Variants in KLC4 observed in about 807,000 individuals in gnomAD.
KLC4 encodes the protein kinesin light chain 4, also known as kinesin-like protein 8.
In KLC4, 49 loss-of-function variants were observed where a neutral mutation model predicts 77.2. The ratio of observed to expected loss-of-function variants is 0.63; its 90% CI spans 0.50 to 0.80. The LOEUF is 0.80. Among genes scored for constraint, KLC4 ranks in the 30% least tolerant of loss-of-function variants. The pLI, the probability that KLC4 is intolerant of heterozygous loss-of-function variation, is 0.00. For missense variants in KLC4, 669 were observed against 793.5 expected, an observed-to-expected ratio of 0.84 and a Z score of 1.89; for synonymous variants, 274 against 314.5, an observed-to-expected ratio of 0.87 and a Z score of 1.36.
intron 15 of KLC4, 80 bp downstream of exon 15, chr6:43,074,045 G>A (rs1765858666): frequency 1.8e-6 from 2 of 1,099,736 alleles, no homozygotes; most frequent in Admixed American, 2.2e-5. Context: ...AGTAAGGGAA[G>A]AGGGAAGGGA....
chr6:43,074,585 G>A (rs1276393449), intron 15 of KLC4, 37 bp from the exon 16 acceptor site: 5 of 1,601,554 alleles, frequency 3.1e-6, no homozygotes, highest in Non-Finnish European at 4.3e-6. Context: ...GGGAGGCCGA[G>A]GTCCCTGAGC....
At chr6:43,070,538 C>CA in intron 7 of KLC4, 83 bp downstream of exon 7, 2 of 1,354,440 alleles carry the variant, frequency 1.5e-6, no homozygotes, top group Admixed American at 3.8e-5. Flanking sequence ...TCCTCCTTCA[C>CA]TTTTTTTTTC....
At chr6:43,060,382 G>C in intron 1 of KLC4, 1 of 1,554,552 alleles carries the variant, frequency 6.4e-7, no homozygotes, top group South Asian at 1.1e-5. Flanking sequence ...CGGGAATTGG[G>C]CGTCTTTGAA....
In KLC4 at chr6:43,074,969, A is replaced by G. The variant is rs1765919413; in HGVS notation, c.*297A>G. 4.9e-6 allele frequency: 2 copies of G among 406,868 alleles called. No individual in the cohort carries two copies. Among genetic ancestry groups the G allele is most frequent in the Admixed American group, 7.9e-5 (2 of 25,278 alleles). 25.2% of individuals were successfully genotyped at this position (406,868 alleles called of 1,614,324 possible). On this transcript the variant is annotated 3_prime_UTR_variant, in exon 16 of 16. Transcript: ENST00000347162. ...AGATGCAGCCTGCTGCTGGCTTTTC[A>G]GTCAGAGGGTTGGGGGCTGGCCAGC...
chr6:43,065,353 C>T (rs1765363954), intron 3 of KLC4: 2 of 362,776 alleles, frequency 5.5e-6, no homozygotes, highest in South Asian at 6.7e-5. Context: ...GGATTACAGG[C>T]GTTAGCCACC....
chr6:43,070,247 T>G, intron 6 of KLC4, 107 bp from the exon 7 acceptor site: 1 of 710,188 alleles, frequency 1.4e-6, no homozygotes, highest in Non-Finnish European at 2.4e-6. Flanking sequence ...CTTTGTCTCT[T>G]AGAGTTGTGC....
In KLC4 at chr6:43,059,671, A is replaced by T. The variant is rs564560591; in HGVS notation, c.-40A>T. 3 of 1,341,406 alleles carry T rather than the reference A, an allele frequency of 2.2e-6. No individual in the cohort carries two copies. Among genetic ancestry groups the T allele is most frequent in the East Asian group, 5.8e-5 (2 of 34,692 alleles). The allele number at this position is 1,341,406 out of a possible 1,614,324, so 83.1% of individuals were successfully genotyped here. ...CAGTACCGGCAAGAGCGGCAGCCAC[A>T]CCGGCAGATTGCAGGTGAGTCTTTG... On this transcript the variant is annotated 5_prime_UTR_variant, in exon 1 of 16. Transcript: ENST00000347162.
rs552635549 is a variant in KLC4 at position 43,070,887 on chromosome 6, A to C, written c.1155+22A>C. ...CCTGGTATGGGAGGAGGGACAAAGTAGGTGGAAGAAACGGAGAGGGGGGCA... is the reference window on the plus strand; with the variant it reads ...CCTGGTATGGGAGGAGGGACAAAGTCGGTGGAAGAAACGGAGAGGGGGGCA... On this transcript the variant is annotated intron_variant, in intron 8 of 15. Transcript: ENST00000347162. 2.1e-4 allele frequency: 189 copies of C among 888,424 alleles called. 1 individual carries two copies. In the South Asian group the frequency reaches 2.7e-3, roughly 13 times the overall value. The allele number at this position is 888,424 out of a possible 1,614,324, so 55.0% of individuals were successfully genotyped here.
chr6:43,061,579 CTGAG>C lies in KLC4; in HGVS notation c.249_252del (p.Ser83ArgfsTer4). ...TTCTATGGAAAACATTGAGCTCGGG[CTGAG>C]TGAGGCCCAGGTGAGAGGGCAAAGG... On this transcript the variant is annotated frameshift_variant, in exon 2 of 16. Coordinates refer to ENST00000347162, the MANE Select transcript of KLC4 (RefSeq NM_201521.3). LOFTEE classifies it high-confidence loss of function. 1 of 1,610,292 alleles carries C rather than the reference CTGAG, an allele frequency of 6.2e-7. No individual in the cohort carries two copies. The highest frequency in any genetic ancestry group is 8.5e-7 in the Non-Finnish European group (1 of 1,177,228).
chr6:43,066,245 G>A (rs1479767285), intron 4 of KLC4, 61 bp from the exon 5 acceptor site: 2 of 1,402,828 alleles, frequency 1.4e-6, no homozygotes, highest in African/African-American at 2.8e-5. Context: ...AATGGGGAGT[G>A]GAAGGGCAGA....
In KLC4 at chr6:43,074,619, C is replaced by G; in HGVS notation, c.1810-3C>G. On this transcript the variant is annotated splice_polypyrimidine_tract_variant and splice_region_variant and intron_variant, in intron 15 of 15. Transcript: ENST00000347162. ...GCTGATGGGGTAGTGTTGTCTGTTTCAGGTCTCCCGGGGCCTCAGTGCCAG... is the reference window on the plus strand; with the variant it reads ...GCTGATGGGGTAGTGTTGTCTGTTTGAGGTCTCCCGGGGCCTCAGTGCCAG... 1 of 1,614,028 alleles carries G rather than the reference C, an allele frequency of 6.2e-7. No individual in the cohort carries two copies. Among genetic ancestry groups the G allele is most frequent in the Non-Finnish European group, 8.5e-7 (1 of 1,179,890 alleles).
intron 3 of KLC4, among the ~76,000 whole-genome samples, chr6:43,063,963 A>G (rs1765295005): frequency 6.6e-6 from 1 of 152,094 alleles, no homozygotes; most frequent in African/African-American, 2.4e-5. Flanking sequence ...CAGCCACCCA[A>G]GTAGCTGGGA....
intron 6 of KLC4, among the ~76,000 whole-genome samples, chr6:43,069,204 T>C (rs1765605114): frequency 6.6e-6 from 1 of 152,142 alleles, no homozygotes; most frequent in African/African-American, 2.4e-5. Context: ...GAGTTGTCAA[T>C]GTACAGAAAA....
rs1482629987 is a variant in KLC4, at chr6:43,071,596, G to A, written c.1285G>A (p.Glu429Lys). ...CCACAAGCCCATCTGGATGCATGCA[G>A]AGGAGCGGGAGGAAATGAGCAAAGT... ...DDHKPIWMHA[E>K]EREEMSKSRH... The change falls in exon 10 of 16, where the codon GAG becomes AAG. Residue 429 changes from glutamate to lysine, a missense_variant. By Grantham distance (56) the Glu-to-Lys change is moderately conservative. Transcript: ENST00000347162. The A allele has an allele frequency of 6.2e-7, 1 of 1,613,644 alleles. No homozygotes were observed. The highest frequency in any genetic ancestry group is 1.3e-5 in the African/African-American group (1 of 74,840).
Position 43,063,102 on chromosome 6 carries a change from G to A in KLC4, c.444G>A (p.Glu148=). The A allele has an allele frequency of 2.5e-6, 4 of 1,614,178 alleles. No individual in the cohort carries two copies. Among genetic ancestry groups the A allele is most frequent in the Non-Finnish European group, 3.4e-6 (4 of 1,180,010 alleles). ...AQLEEEKKHL[E]FLGQLRQYDE... Reference sequence around the variant, plus strand: ...TGGAGGAGGAAAAGAAGCACCTGGAGTTCCTGGGGCAGCTGCGGCAGTATG... The same window carrying A: ...TGGAGGAGGAAAAGAAGCACCTGGAATTCCTGGGGCAGCTGCGGCAGTATG... The change falls in exon 3 of 16, where the codon GAG becomes GAA. Residue 148 remains glutamate, a synonymous_variant. Coordinates refer to ENST00000347162, the MANE Select transcript of KLC4 (RefSeq NM_201521.3).
chr6:43,073,635 G>A (rs564119093), intron 14 of KLC4: 8 of 525,436 alleles, frequency 1.5e-5, no homozygotes, highest in African/African-American at 5.9e-5. Context: ...CGACAACAGC[G>A]AGACTCCGTC....
At chr6:43,073,648 A>T in intron 14 of KLC4, 1 of 333,808 alleles carries the variant, frequency 3.0e-6, no homozygotes, top group South Asian at 4.5e-5. Context: ...ACTCCGTCTC[A>T]AAAAAAAAAA....
rs1765706603 is a variant in KLC4, at chr6:43,071,240, T to C, written c.1156-35T>C. On this transcript the variant is annotated intron_variant, in intron 8 of 15. Coordinates refer to ENST00000347162, the MANE Select transcript of KLC4 (RefSeq NM_201521.3). ...AAAAAAGACCTTGCCTCCCTCCATG[T>C]TTTGTTCCTGTATTTTTGCCTTTCT... is the stretch of plus-strand genomic sequence containing the variant. The C allele has an allele frequency of 2.8e-6, 4 of 1,407,582 alleles. No individual in the cohort carries two copies. The South Asian group carries it at 3.5e-5, about 12-fold the overall frequency. The allele number at this position is 1,407,582 out of a possible 1,614,324, so 87.2% of individuals were successfully genotyped here. A position where few individuals can be genotyped will look rare whatever the true frequency, so the allele number is the denominator to read the frequency against.
intron 1 of KLC4, chr6:43,060,699 A>G: frequency 1.1e-6 from 1 of 924,802 alleles, no homozygotes; most frequent in Non-Finnish European, 1.3e-6. Context: ...GTTGAAGGTT[A>G]GTGGGAAAAT....
Sources: gnomAD v4.1 joint callset for allele counts (sites outside exome capture counted in the v4.1 genomes callset) on GRCh38, gnomAD v4.1.1 for gene constraint, MANE v1.5 for transcripts, NCBI Gene and HGNC (gene_info 2026-07-23, HGNC 2026-07-21) for gene names.